The following ITGAM variants were observed in gnomAD, a reference collection of about 807,000 sequenced individuals.
ITGAM encodes the protein integrin subunit alpha M, also known as integrin alpha-M.
A neutral mutation model predicts 137.5 loss-of-function variants in ITGAM; 79 were observed. The ratio of observed to expected loss-of-function variants is 0.57; its 90% CI spans 0.48 to 0.69. ITGAM has a LOEUF of 0.69. Among genes scored for constraint, ITGAM ranks in the 30% least tolerant of loss-of-function variants. The pLI is 0.00. For synonymous variants in ITGAM, 583 were observed against 592.3 expected (o/e 0.98, Z 0.23); for missense variants, 1,343 against 1,483.5 (o/e 0.91, Z 1.56).
intron 8 of ITGAM, among the ~76,000 whole-genome samples, chr16:31,274,144 A>T (rs2079881250): frequency 6.6e-6 from 1 of 152,190 alleles, no homozygotes; most frequent in Non-Finnish European, 1.5e-5. Flanking sequence ...AGCTGCATGG[A>T]ATTCCCAAGG....
intron 12 of ITGAM, among the ~76,000 whole-genome samples, chr16:31,291,418 G>T (rs2080085761): frequency 6.6e-6 from 1 of 152,086 alleles, no homozygotes; most frequent in Non-Finnish European, 1.5e-5. Flanking sequence ...CCTCCATATT[G>T]TTCTCTATAG....
At chr16:31,331,456 G>C (rs1399981376) in intron 29 of ITGAM, 180 bp from the exon 30 acceptor site, 1 of 651,626 alleles carries the variant, frequency 1.5e-6, no homozygotes, top group Admixed American at 2.7e-5. Context: ...CGCTGAGAAC[G>C]AGTCGCCCTC....
chr16:31,315,369 T>G (rs2080380032), intron 14 of ITGAM, among the ~76,000 whole-genome samples: 1 of 152,250 alleles, frequency 6.6e-6, no homozygotes, highest in South Asian at 2.1e-4. Context: ...ACCAATGTCA[T>G]GAAGCTTTCC....
chr16:31,330,119 C>T lies in ITGAM; in HGVS notation c.3015C>T (p.Pro1005=). 1 of 1,613,850 alleles carries T rather than the reference C, an allele frequency of 6.2e-7. No homozygotes were observed. The change falls in exon 26 of 30, where the codon CCC becomes CCT. Residue 1005 remains proline (P), a synonymous_variant. Transcript: ENST00000544665. ...SSTCHTKERL[P]SHSDFLAELR... ...CGTGCCACACCAAGGAGCGCTTGCC[C>T]TCTCACTCCGACTTTCTGGCTGAGC...
chr16:31,302,428 C>CTTCT lies in ITGAM; in HGVS notation c.1707+4496_1707+4499dup, dbSNP rs201632413. Among the ~76,000 whole-genome samples the CTTCT allele has an allele frequency of 2.4e-3, 252 of 103,152 alleles. 1 individual carries two copies. The highest frequency in any genetic ancestry group is 3.1e-3 in the Non-Finnish European group (164 of 53,288). The allele number at this position is 103,152 out of a possible 152,430, so 67.7% of individuals were successfully genotyped here. A position where few individuals can be genotyped will look rare whatever the true frequency, so the allele number is the denominator to read the frequency against. Reference sequence around the variant, plus strand: ...TTCTTTTTTCTTTCTTTCTTTCTTTCTTCTTTCTTTCTTTCTTTCTTTCTT... The same window carrying CTTCT: ...TTCTTTTTTCTTTCTTTCTTTCTTTCTTCTTTCTTTCTTTCTTTCTTTCTTTCTT... On this transcript the variant is annotated intron_variant, in intron 14 of 29. Coordinates refer to ENST00000544665, the MANE Select transcript of ITGAM (RefSeq NM_000632.4).
At chr16:31,272,703 T>G (rs2144294738) in intron 7 of ITGAM, among the ~76,000 whole-genome samples, 1 of 150,690 alleles carries the variant, frequency 6.6e-6, no homozygotes, top group East Asian at 2.0e-4. Flanking sequence ...AGGCTGGTCT[T>G]GAACTCCTGA....
chr16:31,330,960 G>A (rs1355184341), intron 28 of ITGAM, among the ~76,000 whole-genome samples: 3 of 151,780 alleles, frequency 2.0e-5, no homozygotes, highest in Non-Finnish European at 4.4e-5. Flanking sequence ...GACAGAGAGA[G>A]GCAGAAAGCG....
intron 22 of ITGAM, 191 bp downstream of exon 22, chr16:31,327,126 C>T (rs907609331): frequency 7.4e-5 from 46 of 620,698 alleles, no homozygotes; most frequent in Middle Eastern, 4.3e-4. Context: ...GTGGATCAGA[C>T]GATAGTGGTT....
In ITGAM at chr16:31,278,010, G is replaced by A. The variant is rs1425918337; in HGVS notation, c.1257G>A (p.Leu419=). 1 of 1,605,010 alleles carries A rather than the reference G, an allele frequency of 6.2e-7. No individual in the cohort carries two copies. The highest frequency in any genetic ancestry group is 8.5e-7 in the Non-Finnish European group (1 of 1,175,916). The part of the protein sequence containing the change: ...AIILRNRVQS[L]VLGAPRYQHI... The stretch of plus-strand genomic sequence containing the variant: ...TCTTACGGAACCGGGTGCAAAGCCT[G>A]GTTCTGGGGGCACCTCGATATCAGC... The change falls in exon 12 of 30, where the codon CTG becomes CTA. Residue 419 remains leucine, a synonymous_variant. Coordinates refer to ENST00000544665, the MANE Select transcript of ITGAM (RefSeq NM_000632.4).
At chr16:31,319,655 A>T (rs1340093619) in intron 14 of ITGAM, among the ~76,000 whole-genome samples, 1 of 152,158 alleles carries the variant, frequency 6.6e-6, no homozygotes, top group Non-Finnish European at 1.5e-5. Context: ...TTACATTTAA[A>T]GTAATTATTG....
intron 7 of ITGAM, 97 bp from the exon 8 acceptor site, chr16:31,273,268 C>A: frequency 9.2e-7 from 1 of 1,086,102 alleles, no homozygotes; most frequent in South Asian, 1.6e-5. Flanking sequence ...TGCACTCCAG[C>A]CTGGATAACA....
At chr16:31,312,883 T>C (rs1250023279) in intron 14 of ITGAM, among the ~76,000 whole-genome samples, 3 of 151,786 alleles carry the variant, frequency 2.0e-5, no homozygotes, top group Non-Finnish European at 4.4e-5. Flanking sequence ...CTTTTTTTTT[T>C]TTTTTTTAAA....
At chr16:31,290,877 T>A (rs1409917888) in intron 12 of ITGAM, among the ~76,000 whole-genome samples, 1 of 152,144 alleles carries the variant, frequency 6.6e-6, no homozygotes, top group Non-Finnish European at 1.5e-5. Context: ...TTTCAGTAAG[T>A]TCTCAGGATA....
chr16:31,270,216 C>T (rs4447446), intron 5 of ITGAM, among the ~76,000 whole-genome samples: 70,360 of 132,098 alleles, frequency 0.53, 17,837 homozygotes, highest in Middle Eastern at 0.72. Flanking sequence ...TCCTTTTCTT[C>T]GAAGTCTTGC....
intron 22 of ITGAM, 68 bp downstream of exon 22, chr16:31,327,003 G>A (rs1322907197): frequency 4.1e-6 from 5 of 1,218,372 alleles, no homozygotes; most frequent in Non-Finnish European, 6.1e-6. Context: ...GCCCATGGTG[G>A]GCCTTTGCCC....
intron 22 of ITGAM, 146 bp from the exon 23 acceptor site, chr16:31,328,001 G>T: frequency 4.5e-6 from 3 of 666,350 alleles, no homozygotes; most frequent in South Asian, 1.7e-5. Context: ...GGCTAGGCGG[G>T]GGCAGGGGTT....
intron 14 of ITGAM, among the ~76,000 whole-genome samples, chr16:31,314,309 C>T (rs2080367713): frequency 6.6e-6 from 1 of 152,138 alleles, no homozygotes; most frequent in Non-Finnish European, 1.5e-5. Context: ...TTGCCCATGC[C>T]TATGCCCTGA....
intron 9 of ITGAM, among the ~76,000 whole-genome samples, 186 bp downstream of exon 9, chr16:31,275,885 T>A (rs2079901387): frequency 1.3e-5 from 2 of 152,168 alleles, no homozygotes; most frequent in South Asian, 4.1e-4. Flanking sequence ...AATCCATACT[T>A]TTATCTGTAA....
intron 12 of ITGAM, among the ~76,000 whole-genome samples, chr16:31,282,943 G>A (rs1028867563): frequency 3.9e-5 from 6 of 152,134 alleles, no homozygotes; most frequent in Non-Finnish European, 8.8e-5. Context: ...GCATTTGCTT[G>A]TCTGTAAAGT....
Sources: gnomAD v4.1 joint callset for allele counts (sites outside exome capture counted in the v4.1 genomes callset) on GRCh38, gnomAD v4.1.1 for gene constraint, MANE v1.5 for transcripts, NCBI Gene and HGNC (gene_info 2026-07-23, HGNC 2026-07-21) for gene names.